Variants in ABTB3 observed in about 807,000 individuals in gnomAD.
ABTB3 encodes the protein ankyrin repeat and BTB domain containing 3.
the ABTB3 span, chr12:107,642,210 C>T: frequency 6.4e-7 from 1 of 1,574,328 alleles, no homozygotes; most frequent in Non-Finnish European, 8.7e-7. Flanking sequence ...TGCTGGTTGG[C>T]ACAGGGCACA....
chr12:107,605,497 C>T, the ABTB3 span, among the ~76,000 whole-genome samples: 1 of 152,132 alleles, frequency 6.6e-6, no homozygotes, highest in African/African-American at 2.4e-5. Flanking sequence ...GCAGGAAAGC[C>T]ACTGCCTCTT....
chr12:107,420,945 T>C, the ABTB3 span, among the ~76,000 whole-genome samples: 1 of 152,330 alleles, frequency 6.6e-6, no homozygotes, highest in East Asian at 1.9e-4. Flanking sequence ...GAATCATTAC[T>C]ATTCAGCTGA....
At chr12:107,656,232 T>G in the ABTB3 span, among the ~76,000 whole-genome samples, 1 of 149,476 alleles carries the variant, frequency 6.7e-6, no homozygotes, top group Non-Finnish European at 1.5e-5. Context: ...GCCCAGGAGG[T>G]CAAGGCTGCA....
At chr12:107,616,547 C>A in the ABTB3 span, among the ~76,000 whole-genome samples, 1 of 152,236 alleles carries the variant, frequency 6.6e-6, no homozygotes. Context: ...ATTAACTGAT[C>A]TTGCTGTCCA....
the ABTB3 span, among the ~76,000 whole-genome samples, chr12:107,533,666 A>G: frequency 6.6e-6 from 1 of 152,232 alleles, no homozygotes; most frequent in Admixed American, 6.5e-5. Flanking sequence ...TTACTGCAAT[A>G]CAATAATAGT....
the ABTB3 span, among the ~76,000 whole-genome samples, chr12:107,464,625 A>G: frequency 1.3e-5 from 2 of 152,106 alleles, no homozygotes; most frequent in Non-Finnish European, 2.9e-5. Flanking sequence ...GTGACATTTG[A>G]CCAGAGGCCT....
chr12:107,404,286 C>A, the ABTB3 span, among the ~76,000 whole-genome samples: 1 of 151,604 alleles, frequency 6.6e-6, no homozygotes, highest in African/African-American at 2.4e-5. Flanking sequence ...TTGATAGCAA[C>A]CAGATTCTAT....
the ABTB3 span, among the ~76,000 whole-genome samples, chr12:107,412,559 A>G: frequency 1.3e-5 from 2 of 152,134 alleles, no homozygotes; most frequent in Non-Finnish European, 1.5e-5. Flanking sequence ...CACAGGTCCG[A>G]AAACTGGGGC....
At chr12:107,503,234 T>C in the ABTB3 span, among the ~76,000 whole-genome samples, 1 of 152,158 alleles carries the variant, frequency 6.6e-6, no homozygotes, top group East Asian at 1.9e-4. Context: ...AGTTGCCTGG[T>C]GCCTGGCCCT....
chr12:107,360,061 C>T, the ABTB3 span, among the ~76,000 whole-genome samples: 1 of 152,096 alleles, frequency 6.6e-6, no homozygotes, highest in Non-Finnish European at 1.5e-5. Context: ...TTATAAAATC[C>T]AGTGATAAGA....
chr12:107,513,171 G>GTTCTCCTCC, the ABTB3 span, among the ~76,000 whole-genome samples: 2 of 152,178 alleles, frequency 1.3e-5, no homozygotes, highest in Non-Finnish European at 2.9e-5. Flanking sequence ...AAAGTTGGCT[G>GTTCTCCTCC]TTCTCCTCCT....
the ABTB3 span, among the ~76,000 whole-genome samples, chr12:107,444,854 G>A: frequency 2.0e-5 from 3 of 152,200 alleles, no homozygotes; most frequent in African/African-American, 4.8e-5. Context: ...AGGTGCTGAA[G>A]TGTGAATGAG....
the ABTB3 span, among the ~76,000 whole-genome samples, chr12:107,637,831 TGTGG>T: frequency 2.2e-5 from 3 of 138,574 alleles, no homozygotes; most frequent in African/African-American, 8.3e-5. Flanking sequence ...TGTGTGTGTG[TGTGG>T]TATGGTGTCC....
the ABTB3 span, among the ~76,000 whole-genome samples, chr12:107,590,413 AAGG>A: frequency 6.6e-6 from 1 of 152,150 alleles, no homozygotes; most frequent in Non-Finnish European, 1.5e-5. Context: ...ACTGTGAGAC[AAGG>A]AGGAGTGGTG....
At chr12:107,508,057 A>G in the ABTB3 span, among the ~76,000 whole-genome samples, 1 of 147,424 alleles carries the variant, frequency 6.8e-6, no homozygotes, top group African/African-American at 2.6e-5. Context: ...GATTGATGGA[A>G]GGGTAGAAAG....
the ABTB3 span, among the ~76,000 whole-genome samples, chr12:107,527,469 A>G: frequency 6.6e-6 from 1 of 152,052 alleles, no homozygotes; most frequent in Non-Finnish European, 1.5e-5. Flanking sequence ...ACGGGGTTTC[A>G]CCATGTTGGC....
the ABTB3 span, among the ~76,000 whole-genome samples, chr12:107,383,042 G>A: frequency 2.0e-5 from 3 of 152,058 alleles, no homozygotes; most frequent in Admixed American, 1.3e-4. Flanking sequence ...TGGCACCTTC[G>A]CCCTTCATTG....
At chr12:107,391,738 A>G in the ABTB3 span, among the ~76,000 whole-genome samples, 1 of 152,168 alleles carries the variant, frequency 6.6e-6, no homozygotes, top group South Asian at 2.1e-4. Flanking sequence ...CCCAGTGTGC[A>G]TGTTGGTAGT....
chr12:107,347,808 G>A, the ABTB3 span, among the ~76,000 whole-genome samples: 100 of 152,286 alleles, frequency 6.6e-4, no homozygotes, highest in African/African-American at 2.3e-3. Context: ...CAAAAAGCAT[G>A]TGCAAAGGGA....
Sources: gnomAD v4.1 joint callset for allele counts (sites outside exome capture counted in the v4.1 genomes callset) on GRCh38, gnomAD v4.1.1 for gene constraint, MANE v1.5 for transcripts, NCBI Gene and HGNC (gene_info 2026-07-23, HGNC 2026-07-21) for gene names.